Variants in LMF1 observed in about 807,000 individuals in gnomAD.
The protein encoded by LMF1 is transmembrane protein 112.
In LMF1, 68 loss-of-function variants were observed where a neutral mutation model predicts 60.6. The ratio of observed to expected loss-of-function variants is 1.12; its 90% CI spans 0.92 to 1.37. The LOEUF (loss-of-function observed/expected upper bound fraction) is 1.37. Among genes scored for constraint, LMF1 ranks in the 40% most tolerant of loss-of-function variants. The probability of loss-of-function intolerance (pLI) is 0.00; values close to 1 mark genes in which losing one functional copy is unlikely to be tolerated. For missense variants in LMF1, 948 were observed against 767.2 expected (o/e 1.24, Z -2.78); for synonymous variants, 418 against 324.7 (o/e 1.29, Z -3.09).
At chr16:934,018 G>A (rs996094922) in intron 3 of LMF1, 58 of 1,496,858 alleles carry the variant, frequency 3.9e-5, no homozygotes, top group East Asian at 7.8e-5. Flanking sequence ...TCATGCGTGC[G>A]ACCATCCGTC....
intron 3 of LMF1, among the ~76,000 whole-genome samples, chr16:922,955 G>A: frequency 8.8e-6 from 1 of 114,236 alleles, no homozygotes; most frequent in African/African-American, 4.6e-5. Context: ...TCGTGTTGTT[G>A]CGAAGGCCCT....
intron 1 of LMF1, chr16:979,667 C>A (rs1046627785): frequency 2.2e-6 from 1 of 453,988 alleles, no homozygotes. Context: ...CCTGCCTGCT[C>A]GCAGACCTAA....
intron 4 of LMF1, among the ~76,000 whole-genome samples, chr16:898,181 A>G (rs549200722): frequency 1.3e-3 from 193 of 152,362 alleles, no homozygotes; most frequent in Non-Finnish European, 2.1e-3. Flanking sequence ...TGACTGGCTC[A>G]TCGACACTGG....
intron 4 of LMF1, among the ~76,000 whole-genome samples, chr16:907,318 G>A (rs552647920): frequency 1.5e-3 from 234 of 152,082 alleles, no homozygotes; most frequent in Non-Finnish European, 2.3e-3. Context: ...GGAGAATGGC[G>A]TGAACCCAGG....
chr16:914,909 G>A (rs927132591), intron 3 of LMF1, among the ~76,000 whole-genome samples: 5 of 151,612 alleles, frequency 3.3e-5, no homozygotes, highest in South Asian at 2.1e-4. Context: ...CTAAATATCC[G>A]AGTGCTAATC....
chr16:922,627 G>C lies in LMF1; in HGVS notation c.515-11548C>G, dbSNP rs2071466516. On this transcript the variant is annotated intron_variant, in intron 3 of 10. Coordinates refer to ENST00000262301, the MANE Select transcript of LMF1 (RefSeq NM_022773.4). ...GTGTGATGTGGTGTTGGTGCGTGTTGTTGCGAAGGCCCTGTGTGAAAGTCG... is the reference window on the plus strand; with the variant it reads ...GTGTGATGTGGTGTTGGTGCGTGTTCTTGCGAAGGCCCTGTGTGAAAGTCG... 2.4e-5 allele frequency among the ~76,000 whole-genome samples: 3 copies of C among 124,836 alleles called. No homozygotes were observed. In the South Asian group the frequency reaches 8.0e-4, roughly 33 times the overall value. The allele number at this position is 124,836 out of a possible 152,430, so 81.9% of individuals were successfully genotyped here. A position where few individuals can be genotyped will look rare whatever the true frequency, so the allele number is the denominator to read the frequency against.
rs1426088373 is a variant in LMF1 at position 853,898 on chromosome 16, A to T, written c.*634T>A. ...AGTCATGGGGGGATGAAACCGGGCC[A>T]AGAACACATGTGTGCACAGGCTGTG... is the stretch of plus-strand genomic sequence containing the variant. On this transcript the variant is annotated 3_prime_UTR_variant, in exon 11 of 11. Transcript: ENST00000262301. 6.6e-6 allele frequency: 3 copies of T among 454,110 alleles called. No individual in the cohort carries two copies. Among genetic ancestry groups the T allele is most frequent in the South Asian group, 4.7e-5 (3 of 64,474 alleles). The allele number at this position is 454,110 out of a possible 1,614,324, so 28.1% of individuals were successfully genotyped here. A position where few individuals can be genotyped will look rare whatever the true frequency, so the allele number is the denominator to read the frequency against.
At chr16:981,347 A>AGAGAAAGAGT, upstream of LMF1, 1 of 94,638 alleles carries the variant, frequency 1.1e-5, no homozygotes, top group South Asian at 1.2e-4. Flanking sequence ...AGAGAGAGAG[A>AGAGAAAGAGT]GTGTGTGTGT....
intron 10 of LMF1, among the ~76,000 whole-genome samples, chr16:860,842 T>C (rs922787053): frequency 6.6e-6 from 1 of 152,216 alleles, no homozygotes; most frequent in Non-Finnish European, 1.5e-5. Context: ...TGCATGTCTG[T>C]CCCTCTGTCA....
At chr16:965,183 T>C (rs2072899654) in intron 1 of LMF1, among the ~76,000 whole-genome samples, 1 of 152,254 alleles carries the variant, frequency 6.6e-6, no homozygotes, top group Non-Finnish European at 1.5e-5. Flanking sequence ...TTCTGTGTGG[T>C]GCTTGGCTCC....
intron 2 of LMF1, among the ~76,000 whole-genome samples, chr16:935,343 C>T (rs1388992391): frequency 6.6e-6 from 1 of 152,096 alleles, no homozygotes; most frequent in Non-Finnish European, 1.5e-5. Context: ...GATCCTCCTG[C>T]CTCCACCTCC....
intron 10 of LMF1, among the ~76,000 whole-genome samples, chr16:858,922 T>TGCCACGGGACGC (rs2069315560): frequency 1.1e-5 from 1 of 88,814 alleles, no homozygotes; most frequent in African/African-American, 5.9e-5. Flanking sequence ...TGTGCAGTGG[T>TGCCACGGGACGC]GTCACGGGAC....
At position 896,177 on chromosome 16, in the gene LMF1, G is replaced by T. The variant is rs377132790; in HGVS notation, c.664-3105C>A. Among the ~76,000 whole-genome samples the T allele has an allele frequency of 5.3e-5, 4 of 74,988 alleles. 1 individual carries two copies. In the South Asian group the frequency reaches 2.8e-3, roughly 52 times the overall value. The allele number at this position is 74,988 out of a possible 152,430, so 49.2% of individuals were successfully genotyped here. ...GGTTGTGAGGCTCAGCCACCCACACGCAGGCTGCACGGTCCACAGACACGC... is the reference window on the plus strand; with the variant it reads ...GGTTGTGAGGCTCAGCCACCCACACTCAGGCTGCACGGTCCACAGACACGC... On this transcript the variant is annotated intron_variant, in intron 4 of 10. Transcript: ENST00000262301.
intron 6 of LMF1, chr16:871,959 T>TCAG (rs1242662126): frequency 1.3e-5 from 2 of 152,270 alleles, no homozygotes; most frequent in Non-Finnish European, 2.9e-5. Context: ...AAGGAAAGAC[T>TCAG]CAGCAGCAGC....
chr16:968,853 C>G (rs921658256), intron 1 of LMF1: 1 of 152,196 alleles, frequency 6.6e-6, no homozygotes, highest in Admixed American at 6.6e-5. Flanking sequence ...TGAAGCTGTG[C>G]TCCGGAGGCA....
intron 4 of LMF1, chr16:893,383 C>A (rs1410866092): frequency 6.0e-6 from 3 of 503,854 alleles, no homozygotes; most frequent in African/African-American, 5.8e-5. Flanking sequence ...AGTTGCGTGT[C>A]TTTAAAGAGG....
At chr16:977,982 A>ACACATACACGCACACACAC (rs2073206099) in intron 1 of LMF1, among the ~76,000 whole-genome samples, 1 of 92,532 alleles carries the variant, frequency 1.1e-5, no homozygotes, top group Non-Finnish European at 2.0e-5. Context: ...ACCCCACCAC[A>ACACATACACGCACACACAC]CACATACACG....
rs1369660468 is a variant in LMF1 at position 874,210 on chromosome 16, C to T, written c.898-2869G>A. Reference sequence around the variant, plus strand: ...GTGTTGTTTCATCACAACCGAAACACAGCTAAGGGCCGGTGAGCCCAGCTC... The same window carrying T: ...GTGTTGTTTCATCACAACCGAAACATAGCTAAGGGCCGGTGAGCCCAGCTC... On this transcript the variant is annotated intron_variant, in intron 6 of 10. Coordinates refer to ENST00000262301, the MANE Select transcript of LMF1 (RefSeq NM_022773.4). The surrounding 1 kb of genome is among the most constrained non-coding windows in gnomAD (Gnocchi z 4.1). Among the ~76,000 whole-genome samples the T allele has an allele frequency of 1.3e-5, 2 of 152,252 alleles. No individual in the cohort carries two copies. Among genetic ancestry groups the T allele is most frequent in the East Asian group, 1.9e-4 (1 of 5,200 alleles).
rs1567312834 is a variant in LMF1, at chr16:954,062, G to GCCTCCTACACGTTCACACAGACACAC, written c.503+294_503+295insGTGTGTCTGTGTGAACGTGTAGGAGG. Among the ~76,000 whole-genome samples, 63 of 110,846 alleles carry GCCTCCTACACGTTCACACAGACACAC rather than the reference G, an allele frequency of 5.7e-4. 11 individuals are homozygous for GCCTCCTACACGTTCACACAGACACAC. Among genetic ancestry groups the GCCTCCTACACGTTCACACAGACACAC allele is most frequent in the African/African-American group, 2.4e-3 (60 of 24,764 alleles). The allele number at this position is 110,846 out of a possible 152,430, so 72.7% of individuals were successfully genotyped here. On this transcript the variant is annotated intron_variant, in intron 2 of 10. Coordinates refer to ENST00000262301, the MANE Select transcript of LMF1 (RefSeq NM_022773.4). The stretch of plus-strand genomic sequence containing the variant: ...CCTCCTACACGTCCACACAGACACA[G>GCCTCCTACACGTTCACACAGACACAC]ACCCACTGCTTCTGCCTCCCTTTCC...
Sources: allele counts gnomAD v4.1 joint callset (sites outside exome capture counted in the v4.1 genomes callset), GRCh38; gene constraint gnomAD v4.1.1; non-coding constraint Gnocchi (gnomAD v3.1); transcripts MANE v1.5; gene names NCBI Gene and HGNC (gene_info 2026-07-23, HGNC 2026-07-21).